ROBO2: variants seen among roughly 807,000 people sequenced by gnomAD.
ROBO2 encodes roundabout guidance receptor 2.
Under a neutral mutation model 160.8 loss-of-function variants are expected in ROBO2, and 53 were observed. The ratio of observed to expected loss-of-function variants is 0.33; its 90% CI spans 0.26 to 0.41. ROBO2 has a LOEUF of 0.41. Ranked by LOEUF, ROBO2 falls within the 10% of genes least tolerant of loss-of-function variation. ROBO2 has a pLI of 1.00. For synonymous variants in ROBO2, 664 were observed against 611.7 expected, an observed-to-expected ratio of 1.09 and a Z score of -1.26; for missense variants, 1,577 against 1,722.4, an observed-to-expected ratio of 0.92 and a Z score of 1.49.
intron 2 of ROBO2, among the ~76,000 whole-genome samples, chr3:77,021,434 T>G (rs2062631100): frequency 6.6e-6 from 1 of 152,044 alleles, no homozygotes; most frequent in Admixed American, 6.6e-5. Context: ...CACAAAAAAC[T>G]TAGAAATATT....
chr3:77,231,287 T>C (rs2087153372), intron 2 of ROBO2, among the ~76,000 whole-genome samples: 1 of 135,004 alleles, frequency 7.4e-6, no homozygotes, highest in Non-Finnish European at 1.5e-5. Flanking sequence ...CGCTTGAACC[T>C]GGGAGGAAGA....
chr3:76,269,784 A>C (rs972303467), intron 2 of ROBO2, among the ~76,000 whole-genome samples: 2 of 152,012 alleles, frequency 1.3e-5, no homozygotes. Context: ...CTTTGTCTAT[A>C]TGCAAAATAT....
intron 2 of ROBO2, among the ~76,000 whole-genome samples, chr3:77,183,507 G>A (rs1037933931): frequency 2.1e-4 from 32 of 151,974 alleles, no homozygotes; most frequent in African/African-American, 7.5e-4. Context: ...AACACACACA[G>A]TGGAAAGACC....
chr3:77,466,204 A>G (rs1170087086), intron 2 of ROBO2, among the ~76,000 whole-genome samples: 1 of 152,214 alleles, frequency 6.6e-6, no homozygotes, highest in East Asian at 1.9e-4. Context: ...GTAATCAAGT[A>G]GAACATTTCT....
intron 2 of ROBO2, among the ~76,000 whole-genome samples, chr3:76,544,099 G>C (rs936025483): frequency 6.6e-6 from 1 of 151,922 alleles, no homozygotes; most frequent in Non-Finnish European, 1.5e-5. Context: ...CCCATCTATA[G>C]ATACAATGCC....
chr3:77,523,212 T>C (rs2153628626), intron 6 of ROBO2, among the ~76,000 whole-genome samples: 1 of 151,520 alleles, frequency 6.6e-6, no homozygotes, highest in East Asian at 1.9e-4. Context: ...TTCCATTGCT[T>C]TCAACTACTT....
chr3:77,182,821 A>G (rs532418361), intron 2 of ROBO2, among the ~76,000 whole-genome samples: 1 of 152,230 alleles, frequency 6.6e-6, no homozygotes, highest in Admixed American at 6.6e-5. Flanking sequence ...GCAGGTAACT[A>G]GGTGGATAAA....
intron 2 of ROBO2, among the ~76,000 whole-genome samples, chr3:77,180,461 A>C (rs1319229241): frequency 1.8e-5 from 2 of 109,026 alleles, no homozygotes; most frequent in African/African-American, 3.2e-5. Context: ...TTTGAGACAG[A>C]GTCTCACTGT....
rs993431011 is a variant in ROBO2, at chr3:76,026,308, C to T, written c.109+88706C>T. Among the ~76,000 whole-genome samples, 138 of 151,882 alleles carry T rather than the reference C, an allele frequency of 9.1e-4. 1 individual carries two copies. The highest frequency in any genetic ancestry group is 5.0e-4 in the Non-Finnish European group (34 of 67,894). On this transcript the variant is annotated intron_variant, in intron 2 of 26. Coordinates refer to the ROBO2 transcript ENST00000487694. ...TATGCAAGGCATTGAAAATATAAGG[C>T]ACTGAATGCACCTTCATTTTCAGAG... is the stretch of plus-strand genomic sequence containing the variant.
At chr3:77,079,465 T>C (rs926531577) in intron 1 of ROBO2, among the ~76,000 whole-genome samples, 4 of 152,270 alleles carry the variant, frequency 2.6e-5, no homozygotes, top group African/African-American at 9.6e-5. Context: ...TGTGGCTACA[T>C]TGAATAAGTG....
chr3:77,469,950 A>G (rs2083187301), intron 2 of ROBO2, among the ~76,000 whole-genome samples: 1 of 152,200 alleles, frequency 6.6e-6, no homozygotes, highest in South Asian at 2.1e-4. Flanking sequence ...AGATAAGGAA[A>G]GACTTCAGAT....
At chr3:76,131,492 A>G (rs1457159964) in intron 2 of ROBO2, among the ~76,000 whole-genome samples, 2 of 152,234 alleles carry the variant, frequency 1.3e-5, no homozygotes, top group African/African-American at 4.8e-5. Flanking sequence ...CCCATAAGGA[A>G]AAGAGTCAAG....
At chr3:77,144,391 G>T (rs2076959259) in intron 2 of ROBO2, among the ~76,000 whole-genome samples, 1 of 152,002 alleles carries the variant, frequency 6.6e-6, no homozygotes, top group Non-Finnish European at 1.5e-5. Flanking sequence ...TTTCCTATGT[G>T]GACATCTCGA....
intron 2 of ROBO2, among the ~76,000 whole-genome samples, chr3:76,458,800 C>G (rs761187815): frequency 6.6e-6 from 1 of 152,122 alleles, no homozygotes; most frequent in African/African-American, 2.4e-5. Flanking sequence ...GCGGAAACCC[C>G]TAGTAGACCC....
chr3:77,061,542 G>A (rs945635846), intron 1 of ROBO2, among the ~76,000 whole-genome samples: 3 of 152,140 alleles, frequency 2.0e-5, no homozygotes, highest in Admixed American at 6.5e-5. Context: ...AATCAGTAAC[G>A]GATTCATCTT....
intron 6 of ROBO2, among the ~76,000 whole-genome samples, chr3:77,541,553 A>G (rs1283281533): frequency 6.6e-6 from 1 of 152,148 alleles, no homozygotes; most frequent in Non-Finnish European, 1.5e-5. Flanking sequence ...ATCTTAATTG[A>G]CCTTTTTATA....
intron 2 of ROBO2, among the ~76,000 whole-genome samples, chr3:77,403,379 C>G (rs1438870345): frequency 1.3e-5 from 2 of 152,132 alleles, no homozygotes. Context: ...TCTCACACCC[C>G]AGCTTCTGTT....
intron 2 of ROBO2, among the ~76,000 whole-genome samples, chr3:77,412,238 G>A (rs889589202): frequency 1.3e-5 from 2 of 152,314 alleles, no homozygotes; most frequent in African/African-American, 2.4e-5. Context: ...GGACAAAGCA[G>A]TCACTGCCAC....
intron 2 of ROBO2, among the ~76,000 whole-genome samples, chr3:76,765,018 A>G (rs4856053): frequency 0.32 from 47,765 of 151,408 alleles, 9,345 homozygotes; most frequent in Non-Finnish European, 0.43. Flanking sequence ...CAAATAGTGA[A>G]CATTGTACCC....
Sources: allele counts gnomAD v4.1 joint callset (sites outside exome capture counted in the v4.1 genomes callset), GRCh38; gene constraint gnomAD v4.1.1; transcripts MANE v1.5; gene names NCBI Gene and HGNC (gene_info 2026-07-23, HGNC 2026-07-21).